Variants in SLC5A8 observed in about 807,000 individuals in gnomAD.
SLC5A8 encodes the protein solute carrier family 5 member 8.
SLC5A8 carries 55 observed loss-of-function variants against 71.9 expected under a neutral mutation model. The ratio of observed to expected loss-of-function variants is 0.77; its 90% CI spans 0.62 to 0.96. SLC5A8 has a LOEUF of 0.96. Ranked by LOEUF, SLC5A8 falls within the 40% of genes least tolerant of loss-of-function variation. The pLI, the probability that SLC5A8 is intolerant of heterozygous loss-of-function variation, is 0.00. For synonymous variants in SLC5A8, 307 were observed against 276.1 expected (o/e 1.11, Z -1.11); for missense variants, 701 against 745.3 (o/e 0.94, Z 0.69).
intron 10 of SLC5A8, among the ~76,000 whole-genome samples, chr12:101,177,467 ACACACACACACG>A (rs2051890723): frequency 6.6e-6 from 1 of 151,666 alleles, no homozygotes; most frequent in Non-Finnish European, 1.5e-5. Flanking sequence ...ACACACACAC[ACACACACACACG>A]CATGCATGCA....
chr12:101,209,900 C>A lies in SLC5A8; in HGVS notation c.-52G>T. 2.1e-6 allele frequency: 3 copies of A among 1,441,860 alleles called. No individual in the cohort carries two copies. The highest frequency in any genetic ancestry group is 2.8e-6 in the Non-Finnish European group (3 of 1,089,784). 89.3% of individuals were successfully genotyped at this position (1,441,860 alleles called of 1,614,324 possible). On this transcript the variant is annotated 5_prime_UTR_variant, in exon 1 of 15. Coordinates refer to ENST00000536262, the MANE Select transcript of SLC5A8 (RefSeq NM_145913.5). The stretch of plus-strand genomic sequence containing the variant: ...CGCAAACTGGTGGCCCCGCGGCGCG[C>A]AGCCGGAGCCCGGCGCGCACTTCTT...
At chr12:101,204,724 T>C (rs1241077640) in intron 1 of SLC5A8, among the ~76,000 whole-genome samples, 159 bp from the exon 2 acceptor site, 2 of 152,198 alleles carry the variant, frequency 1.3e-5, no homozygotes, top group Non-Finnish European at 2.9e-5. Context: ...CACAGCAAAA[T>C]TGACTCTTTT....
intron 10 of SLC5A8, among the ~76,000 whole-genome samples, chr12:101,169,634 G>C (rs2051809410): frequency 6.6e-6 from 1 of 152,212 alleles, no homozygotes; most frequent in Admixed American, 6.5e-5. Flanking sequence ...TCTAGGTCAA[G>C]GGGAGGTCCA....
chr12:101,195,414 T>TATATATTAA (rs1869126257), intron 3 of SLC5A8, among the ~76,000 whole-genome samples: 5 of 152,158 alleles, frequency 3.3e-5, no homozygotes, highest in African/African-American at 1.2e-4. Flanking sequence ...TGGAAAGGCG[T>TATATATTAA]TTATATTGTA....
rs545922954 is a variant in SLC5A8 at position 101,209,616 on chromosome 12, A to G, written c.233T>C (p.Val78Ala). ...AVTVLGTPSE[V>A]YRFGAIFSIF... ...GCTAAAAATGGCCCCAAAACGGTAG[A>G]CCTCGGAGGGGGTGCCCAGGACAGT... Residue 78 changes from valine to alanine, a missense_variant, in exon 1 of 15, where the codon GTC (valine) becomes GCC (alanine). By Grantham distance (64) the Val-to-Ala change is moderately conservative. Coordinates refer to ENST00000536262, the MANE Select transcript of SLC5A8 (RefSeq NM_145913.5). 405 of 1,614,058 alleles carry G rather than the reference A, an allele frequency of 2.5e-4. 3 individuals are homozygous for G. In the South Asian group the frequency reaches 4.4e-3, roughly 17 times the overall value.
chr12:101,195,821 C>A (rs1331001705), intron 3 of SLC5A8, among the ~76,000 whole-genome samples: 1 of 150,480 alleles, frequency 6.6e-6, no homozygotes, highest in Non-Finnish European at 1.5e-5. Context: ...CTCAGCCTCT[C>A]GAGTAGCTGG....
At chr12:101,199,484 T>C (rs1043843093) in intron 3 of SLC5A8, 2 of 152,048 alleles carry the variant, frequency 1.3e-5, no homozygotes, top group Admixed American at 1.3e-4. Context: ...CACTTTTTAT[T>C]AGGTTATTTG....
Position 101,168,123 on chromosome 12 carries a change from G to A in SLC5A8, c.1293C>T (p.Gly431=). The change falls in exon 11 of 15, where the codon GGC becomes GGT. Residue 431 remains glycine, a synonymous_variant. Transcript: ENST00000536262. Reference sequence around the variant, plus strand: ...TTGAGTTGGCAAAGGGAACCAAAATGCCCAAAGCGAACAGGCCCATAAGTG... The same window carrying A: ...TTGAGTTGGCAAAGGGAACCAAAATACCCAAAGCGAACAGGCCCATAAGTG... ...GGPLMGLFAL[G]ILVPFANSIG... The A allele has an allele frequency of 1.2e-6, 2 of 1,609,794 alleles. No individual in the cohort carries two copies. Among genetic ancestry groups the A allele is most frequent in the South Asian group, 2.2e-5 (2 of 89,944 alleles).
intron 7 of SLC5A8, among the ~76,000 whole-genome samples, chr12:101,186,253 C>T (rs927258336): frequency 6.6e-6 from 1 of 151,684 alleles, no homozygotes; most frequent in Non-Finnish European, 1.5e-5. Context: ...TCATAGTAAA[C>T]GTGATTCTTA....
At chr12:101,176,443 A>G (rs1261145932) in intron 10 of SLC5A8, among the ~76,000 whole-genome samples, 2 of 152,098 alleles carry the variant, frequency 1.3e-5, no homozygotes, top group African/African-American at 2.4e-5. Flanking sequence ...ACAGAATGTA[A>G]TTGATATTTA....
chr12:101,205,796 A>G (rs1869657560), intron 1 of SLC5A8, among the ~76,000 whole-genome samples: 1 of 152,128 alleles, frequency 6.6e-6, no homozygotes, highest in Non-Finnish European at 1.5e-5. Flanking sequence ...CACATTTAAA[A>G]CCTTTGATGC....
rs561920472 is a variant in SLC5A8, at chr12:101,177,295, G to T, written c.1233+2734C>A. 2.6e-5 allele frequency among the ~76,000 whole-genome samples: 4 copies of T among 151,884 alleles called. No individual in the cohort carries two copies. The South Asian group carries it at 8.3e-4, about 32-fold the overall frequency. On this transcript the variant is annotated intron_variant, in intron 10 of 14. Transcript: ENST00000536262. ...TGAAACTAAAAAAAATCCAGGCCCAGATGCTTTCCCTAGAGAATTCTACCA... is the reference window on the plus strand; with the variant it reads ...TGAAACTAAAAAAAATCCAGGCCCATATGCTTTCCCTAGAGAATTCTACCA...
chr12:101,184,875 T>C (rs141201315), intron 7 of SLC5A8, among the ~76,000 whole-genome samples: 7 of 152,344 alleles, frequency 4.6e-5, no homozygotes, highest in Admixed American at 4.6e-4. Context: ...AAAAAATAAA[T>C]ATCAAATTAG....
rs1394446476 is a variant in SLC5A8, at chr12:101,190,474, G to T, written c.827C>A (p.Ala276Glu). 8.1e-6 allele frequency: 13 copies of T among 1,611,988 alleles called. No individual in the cohort carries two copies. Among genetic ancestry groups the T allele is most frequent in the South Asian group, 2.2e-5 (2 of 90,726 alleles). The change falls in exon 6 of 15, where the codon GCA becomes GAA. Residue 276 changes from alanine (A) to glutamate (E), a missense_variant. Physicochemically the swap from Ala to Glu is moderately radical, Grantham distance 107. Coordinates refer to ENST00000536262, the MANE Select transcript of SLC5A8 (RefSeq NM_145913.5). Reference sequence around the variant, plus strand: ...ACCATGGTGTGTGACTTACAGTTTTGCCTGGAATCTGCTTTTACAAGAAAT... The same window carrying T: ...ACCATGGTGTGTGACTTACAGTTTTTCCTGGAATCTGCTTTTACAAGAAAT... ...RYISCKSRFQ[A>E]KLSLYINLVG...
At chr12:101,170,882 G>C (rs1274712995) in intron 10 of SLC5A8, among the ~76,000 whole-genome samples, 1 of 152,184 alleles carries the variant, frequency 6.6e-6, no homozygotes, top group Admixed American at 6.5e-5. Context: ...TGGTGCTCGC[G>C]TGTTTCGGGT....
At chr12:101,167,595 A>G (rs1256958354) in intron 11 of SLC5A8, among the ~76,000 whole-genome samples, 1 of 152,206 alleles carries the variant, frequency 6.6e-6, no homozygotes, top group African/African-American at 2.4e-5. Context: ...TTTCTGGAAA[A>G]TATTCCCAAT....
intron 4 of SLC5A8, among the ~76,000 whole-genome samples, chr12:101,194,120 C>A (rs911802821): frequency 2.2e-4 from 33 of 152,030 alleles, no homozygotes; most frequent in Admixed American, 2.2e-3. Context: ...AAGAAAAATC[C>A]GAGTCAAATT....
chr12:101,169,295 G>C (rs1284471658), intron 10 of SLC5A8, among the ~76,000 whole-genome samples: 1 of 152,186 alleles, frequency 6.6e-6, no homozygotes, highest in East Asian at 1.9e-4. Flanking sequence ...AACTGGCTTG[G>C]AGTTATGATG....
intron 13 of SLC5A8, among the ~76,000 whole-genome samples, chr12:101,159,792 A>G (rs1488214279): frequency 6.6e-6 from 1 of 152,242 alleles, no homozygotes; most frequent in Non-Finnish European, 1.5e-5. Flanking sequence ...TTAAAAAATG[A>G]GCTAAATAAG....
Sources: gnomAD v4.1 joint callset for allele counts (sites outside exome capture counted in the v4.1 genomes callset) on GRCh38, gnomAD v4.1.1 for gene constraint, MANE v1.5 for transcripts, NCBI Gene and HGNC (gene_info 2026-07-23, HGNC 2026-07-21) for gene names.